Variants in PARP8 observed in about 807,000 individuals in gnomAD.
PARP8 encodes the protein poly(ADP-ribose) polymerase family member 8.
In PARP8, 51 loss-of-function variants were observed where a neutral mutation model predicts 124.1. The observed-to-expected ratio is 0.41, with a 90% CI of 0.33 to 0.52. The LOEUF (loss-of-function observed/expected upper bound fraction) is 0.52. Among genes scored for constraint, PARP8 ranks in the 20% least tolerant of loss-of-function variants. The pLI, the probability that PARP8 is intolerant of heterozygous loss-of-function variation, is 0.21. For missense variants in PARP8, 860 were observed against 1,018.9 expected (o/e 0.84, Z 2.12); for synonymous variants, 391 against 361.5 (o/e 1.08, Z -0.93).
intron 2 of PARP8, among the ~76,000 whole-genome samples, chr5:50,681,925 A>C (rs565255688): frequency 1.3e-5 from 2 of 152,170 alleles, no homozygotes; most frequent in Non-Finnish European, 2.9e-5. Context: ...AATTGTGTTC[A>C]TGATGACACA....
At chr5:50,796,052 T>A (rs1431317988) in intron 12 of PARP8, among the ~76,000 whole-genome samples, 1 of 152,246 alleles carries the variant, frequency 6.6e-6, no homozygotes, top group Non-Finnish European at 1.5e-5. Context: ...AGAGTAACTC[T>A]TACACAAAAT....
intron 14 of PARP8, among the ~76,000 whole-genome samples, chr5:50,804,590 G>A (rs1204331246): frequency 1.3e-5 from 2 of 152,044 alleles, no homozygotes; most frequent in East Asian, 3.9e-4. Flanking sequence ...TCTACTTATA[G>A]CATTTTGGTT....
intron 2 of PARP8, among the ~76,000 whole-genome samples, chr5:50,749,409 A>G (rs542917351): frequency 3.3e-5 from 5 of 152,218 alleles, no homozygotes; most frequent in African/African-American, 9.6e-5. Context: ...AAATAGACGT[A>G]GATCTTAACC....
intron 2 of PARP8, among the ~76,000 whole-genome samples, chr5:50,703,023 A>G (rs1753755164): frequency 6.6e-6 from 1 of 152,138 alleles, no homozygotes; most frequent in Admixed American, 6.6e-5. Context: ...GTTATAGGCC[A>G]GGTGATGTGG....
At chr5:50,810,227 T>C (rs1224067447) in intron 14 of PARP8, among the ~76,000 whole-genome samples, 1 of 151,996 alleles carries the variant, frequency 6.6e-6, no homozygotes, top group African/African-American at 2.4e-5. Context: ...TTAGAGTGGT[T>C]AATTGCTTCC....
intron 14 of PARP8, among the ~76,000 whole-genome samples, chr5:50,814,817 T>C (rs866941368): frequency 4.6e-5 from 7 of 152,194 alleles, no homozygotes; most frequent in South Asian, 2.1e-4. Context: ...GGAATGACAC[T>C]GTATTAGATT....
At chr5:50,835,040 A>G (rs763227261) in intron 25 of PARP8, 25 bp downstream of exon 25, 2 of 1,595,828 alleles carry the variant, frequency 1.3e-6, no homozygotes, top group Admixed American at 1.7e-5. Context: ...TCAAATTTGT[A>G]TATTACTGTC....
At chr5:50,828,237 A>G in intron 20 of PARP8, 75 bp from the exon 21 acceptor site, 1 of 1,433,456 alleles carries the variant, frequency 7.0e-7, no homozygotes, top group East Asian at 2.3e-5. Context: ...AGGCACCATG[A>G]CTTATTATGT....
At chr5:50,747,761 CTTTTTTTTTTTTT>C (rs70972943) in intron 2 of PARP8, among the ~76,000 whole-genome samples, 56 of 52,936 alleles carry the variant, frequency 1.1e-3, no homozygotes, top group Non-Finnish European at 1.1e-3. Context: ...ATAGACCTTG[CTTTTTTTTTTTTT>C]TTTTTTTTTT....
At chr5:50,692,996 T>C (rs968228429) in intron 2 of PARP8, among the ~76,000 whole-genome samples, 14 of 152,200 alleles carry the variant, frequency 9.2e-5, no homozygotes, top group Non-Finnish European at 1.6e-4. Context: ...TTAAAATTTT[T>C]ATGATAAGGG....
chr5:50,821,421 CCT>C, intron 16 of PARP8, 83 bp downstream of exon 16: 4 of 1,435,808 alleles, frequency 2.8e-6, no homozygotes, highest in Non-Finnish European at 3.9e-6. Flanking sequence ...CATTAGGTTT[CCT>C]CTTTCTATCT....
intron 2 of PARP8, among the ~76,000 whole-genome samples, chr5:50,720,177 A>G (rs2149501086): frequency 6.6e-6 from 1 of 152,222 alleles, no homozygotes; most frequent in Non-Finnish European, 1.5e-5. Context: ...CTTACATGAA[A>G]AGAGACATTT....
chr5:50,800,928 T>C (rs1743137064), intron 14 of PARP8, among the ~76,000 whole-genome samples: 1 of 151,822 alleles, frequency 6.6e-6, no homozygotes, highest in Non-Finnish European at 1.5e-5. Flanking sequence ...AGCTAATTTT[T>C]AAAATTTTTT....
chr5:50,673,065 C>G (rs530137502), intron 2 of PARP8, among the ~76,000 whole-genome samples: 1 of 152,236 alleles, frequency 6.6e-6, no homozygotes, highest in East Asian at 1.9e-4. Context: ...GGGACTTTCT[C>G]ACCATACTTT....
chr5:50,797,052 C>G lies in PARP8; in HGVS notation c.1479+20C>G. On this transcript the variant is annotated intron_variant, in intron 13 of 25. Coordinates refer to ENST00000281631, the MANE Select transcript of PARP8 (RefSeq NM_024615.4). ...GTGCAGGTATGAGCCAAAACTCTAT[C>G]CATTGTACAAATATTTTAGTTCTTA... The G allele has an allele frequency of 1.2e-6, 2 of 1,612,080 alleles. No individual in the cohort carries two copies. Among genetic ancestry groups the G allele is most frequent in the African/African-American group, 2.7e-5 (2 of 74,944 alleles).
In PARP8 at chr5:50,693,768, G is replaced by A. The variant is rs151098996; in HGVS notation, c.146+25643G>A. Among the ~76,000 whole-genome samples the A allele has an allele frequency of 5.8e-3, 877 of 151,374 alleles. 3 individuals carry two copies. The highest frequency in any genetic ancestry group is 0.02 in the African/African-American group (829 of 41,372). On this transcript the variant is annotated intron_variant, in intron 2 of 25. Coordinates refer to ENST00000281631, the MANE Select transcript of PARP8 (RefSeq NM_024615.4). ...TAAATTAATTATATAATTAAGCTAT[G>A]TGGATTAATTATATGATTGAGTTAT... is the stretch of plus-strand genomic sequence containing the variant.
intron 2 of PARP8, among the ~76,000 whole-genome samples, chr5:50,691,860 G>T (rs1752527359): frequency 6.6e-6 from 1 of 152,094 alleles, no homozygotes; most frequent in Non-Finnish European, 1.5e-5. Flanking sequence ...AAAACCTGGT[G>T]GCACCTAAGA....
chr5:50,835,697 G>T (rs1747500435), intron 25 of PARP8, among the ~76,000 whole-genome samples: 1 of 151,986 alleles, frequency 6.6e-6, no homozygotes, highest in African/African-American at 2.4e-5. Context: ...ATAATGAAAA[G>T]GTCTGTCCTA....
intron 18 of PARP8, among the ~76,000 whole-genome samples, chr5:50,826,088 T>C (rs1171423989): frequency 1.3e-5 from 2 of 152,154 alleles, no homozygotes; most frequent in Non-Finnish European, 2.9e-5. Flanking sequence ...TCTAGTTGCT[T>C]TCTTTTTTTC....
Sources: allele counts gnomAD v4.1 joint callset (sites outside exome capture counted in the v4.1 genomes callset), GRCh38; gene constraint gnomAD v4.1.1; transcripts MANE v1.5; gene names NCBI Gene and HGNC (gene_info 2026-07-23, HGNC 2026-07-21).